ACAD8: variants seen among roughly 807,000 people sequenced by gnomAD.
ACAD8 encodes the protein acyl-CoA dehydrogenase family member 8.
ACAD8 carries 47 observed loss-of-function variants against 53.1 expected under a neutral mutation model. The observed-to-expected ratio is 0.89, with a 90% CI of 0.70 to 1.13. ACAD8 has a LOEUF of 1.13. Ranked by LOEUF, ACAD8 falls within the 50% of genes most tolerant of loss-of-function variation. The pLI is 0.00. For missense variants in ACAD8, 494 were observed against 535.0 expected (o/e 0.92, Z 0.76); for synonymous variants, 198 against 201.3 (o/e 0.98, Z 0.14).
chr11:134,262,683 C>G (rs373070410), intron 10 of ACAD8, 61 bp downstream of exon 10: 2 of 1,549,092 alleles, frequency 1.3e-6, no homozygotes, highest in African/African-American at 1.4e-5. Flanking sequence ...GCTGCTTTCC[C>G]CACTCTCTGT....
At chr11:134,262,317 T>G (rs1565376705) in intron 9 of ACAD8, 4 of 668,076 alleles carry the variant, frequency 6.0e-6, no homozygotes, top group South Asian at 3.0e-5. Context: ...GTCGCCTGTC[T>G]GGGGGGAACT....
At chr11:134,263,108 A>C in intron 10 of ACAD8, 1 of 1,130,290 alleles carries the variant, frequency 8.8e-7, no homozygotes, top group Non-Finnish European at 1.1e-6. Flanking sequence ...CTATATGGGT[A>C]TCTTCTTGGT....
Position 134,259,085 on chromosome 11 carries a change from GT to G in ACAD8, c.567+2del, listed in dbSNP as rs1939721858. Reference sequence around the variant, plus strand: ...TCATTACATCCTCAATGGCTCCAAGGTACTAGCGTGCGTCCTCCCAGAGCAC... The same window carrying G: ...TCATTACATCCTCAATGGCTCCAAGGACTAGCGTGCGTCCTCCCAGAGCAC... On this transcript the variant is annotated splice_donor_variant, in intron 5 of 10. Coordinates refer to ENST00000281182, the MANE Select transcript of ACAD8 (RefSeq NM_014384.3). LOFTEE classifies it high-confidence loss of function. 6.2e-7 allele frequency: 1 copy of G among 1,613,960 alleles called. No individual in the cohort carries two copies. The highest frequency in any genetic ancestry group is 1.7e-5 in the Admixed American group (1 of 60,022).
At chr11:134,254,600 G>T (rs146825621) in intron 1 of ACAD8, among the ~76,000 whole-genome samples, 198 of 152,296 alleles carry the variant, frequency 1.3e-3, no homozygotes, top group African/African-American at 4.5e-3. Flanking sequence ...GTTTTCTTCT[G>T]AATGTCCTAA....
At chr11:134,255,879 G>A (rs961867990) in intron 1 of ACAD8, among the ~76,000 whole-genome samples, 1 of 152,100 alleles carries the variant, frequency 6.6e-6, no homozygotes, top group Non-Finnish European at 1.5e-5. Context: ...CAAGTGTGGC[G>A]CCATAGTCTT....
In ACAD8 at chr11:134,257,072, T is replaced by C; in HGVS notation, c.211-16T>C. 1 of 1,614,066 alleles carries C rather than the reference T, an allele frequency of 6.2e-7. No individual in the cohort carries two copies. The highest frequency in any genetic ancestry group is 8.5e-7 in the Non-Finnish European group (1 of 1,180,000). On this transcript the variant is annotated splice_polypyrimidine_tract_variant and intron_variant, in intron 2 of 10. Coordinates refer to ENST00000281182, the MANE Select transcript of ACAD8 (RefSeq NM_014384.3). ...CTGAATCAGCTGCTGATCACCCTGC[T>C]CTCTTTTGTACATAGGAGCTGTTCC...
In ACAD8 at chr11:134,261,556, C is replaced by T. The variant is rs112142020; in HGVS notation, c.940-182C>T. The T allele has an allele frequency of 1.1e-5, 17 of 1,524,596 alleles. No homozygotes were observed. The highest frequency in any genetic ancestry group is 6.9e-5 in the African/African-American group (5 of 72,504). 94.4% of individuals were successfully genotyped at this position (1,524,596 alleles called of 1,614,324 possible). A position where few individuals can be genotyped will look rare whatever the true frequency, so the allele number is the denominator to read the frequency against. On this transcript the variant is annotated intron_variant, in intron 8 of 10. Coordinates refer to ENST00000281182, the MANE Select transcript of ACAD8 (RefSeq NM_014384.3). The surrounding 1 kb of genome is among the most constrained non-coding windows in gnomAD (Gnocchi z 4.2). ...GATATCTTTAACGATATTAAAGTGT[C>T]GGGTGAGTGAAGTGGACTTAGCACT... is the stretch of plus-strand genomic sequence containing the variant.
rs1286999658 is a variant in ACAD8 at position 134,256,607 on chromosome 11, G to C, written c.169G>C (p.Ala57Pro). The part of the protein sequence containing the change: ...EFQKVAFDFA[A>P]REMAPNMAEW... Reference sequence around the variant, plus strand: ...TCAAAAAGTGGCCTTTGACTTTGCTGCCCGAGAGATGGCTCCAAATATGGC... The same window carrying C: ...TCAAAAAGTGGCCTTTGACTTTGCTCCCCGAGAGATGGCTCCAAATATGGC... Residue 57 changes from alanine to proline, a missense_variant, in exon 2 of 11, where the codon GCC (alanine) becomes CCC (proline). Transcript: ENST00000281182. 2.5e-6 allele frequency: 4 copies of C among 1,614,208 alleles called. No homozygotes were observed. Among genetic ancestry groups the C allele is most frequent in the Non-Finnish European group, 3.4e-6 (4 of 1,180,036 alleles).
intron 3 of ACAD8, chr11:134,258,043 G>A: frequency 8.8e-6 from 2 of 228,152 alleles, no homozygotes; most frequent in Non-Finnish European, 1.8e-5. Context: ...GTAGAGATGG[G>A]GTTTCACCAT....
At position 134,261,056 on chromosome 11, in the gene ACAD8, T is replaced by A; in HGVS notation, c.718T>A (p.Ser240Thr). ...GKKEKKVGWN[S>T]QPTRAVIFED... is the part of the protein sequence containing the mutation. ...TGATTTTTGCCAGGTGGGGTGGAAC[T>A]CCCAGCCAACACGAGCTGTGATCTT... Residue 240 changes from serine (S) to threonine (T), a missense_variant, in exon 7 of 11, where the codon TCC (serine) becomes ACC (threonine). Physicochemically the swap from Ser to Thr is moderately conservative, Grantham distance 58 (BLOSUM62 1). Coordinates refer to ENST00000281182, the MANE Select transcript of ACAD8 (RefSeq NM_014384.3). This position sits in a 1 kb window ranked among gnomAD's most constrained non-coding sequence, Gnocchi z 4.2. The A allele has an allele frequency of 6.2e-7, 1 of 1,612,644 alleles. No homozygotes were observed. The highest frequency in any genetic ancestry group is 1.1e-5 in the South Asian group (1 of 90,566).
intron 3 of ACAD8, chr11:134,257,598 G>A (rs545452543): frequency 8.6e-5 from 30 of 349,678 alleles, no homozygotes; most frequent in South Asian, 6.0e-4. Flanking sequence ...GTGTGAACCC[G>A]GGAGGCGGAG....
At chr11:134,263,113 C>T in intron 10 of ACAD8, 2 of 1,114,970 alleles carry the variant, frequency 1.8e-6, no homozygotes, top group Non-Finnish European at 2.2e-6. Flanking sequence ...TGGGTATCTT[C>T]TTGGTAGTCA....
chr11:134,262,099 T>G, intron 9 of ACAD8: 1 of 692,976 alleles, frequency 1.4e-6, no homozygotes, highest in Non-Finnish European at 2.6e-6. Context: ...ATTATACACT[T>G]CATTATGTCA....
At position 134,256,606 on chromosome 11, in the gene ACAD8, T is replaced by C; in HGVS notation, c.168T>C (p.Ala56=). 2 of 1,614,230 alleles carry C rather than the reference T, an allele frequency of 1.2e-6. No homozygotes were observed. Among genetic ancestry groups the C allele is most frequent in the Non-Finnish European group, 1.7e-6 (2 of 1,180,032 alleles). Residue 56 remains alanine (A), a synonymous_variant, in exon 2 of 11, where the codon GCT becomes GCC. Coordinates refer to ENST00000281182, the MANE Select transcript of ACAD8 (RefSeq NM_014384.3). ...TTCAAAAAGTGGCCTTTGACTTTGCTGCCCGAGAGATGGCTCCAAATATGG... is the reference window on the plus strand; with the variant it reads ...TTCAAAAAGTGGCCTTTGACTTTGCCGCCCGAGAGATGGCTCCAAATATGG... ...KEFQKVAFDF[A]AREMAPNMAE...
intron 6 of ACAD8, chr11:134,260,232 A>G: frequency 9.3e-7 from 1 of 1,079,028 alleles, no homozygotes; most frequent in Non-Finnish European, 1.1e-6. Context: ...GAAAAGTAAG[A>G]TACTTCTAGG....
intron 3 of ACAD8, chr11:134,258,194 T>C (rs753147767): frequency 1.8e-5 from 7 of 379,918 alleles, no homozygotes; most frequent in Non-Finnish European, 3.5e-5. Flanking sequence ...TGCCAGTGAT[T>C]TGAGGAAGTA....
chr11:134,262,143 C>A (rs1290913538), intron 9 of ACAD8: 2 of 670,456 alleles, frequency 3.0e-6, no homozygotes, highest in East Asian at 2.9e-5. Flanking sequence ...CGAGAAACCA[C>A]CTTTGGAAGG....
chr11:134,263,363 G>A (rs1591518014), intron 10 of ACAD8: 1 of 989,054 alleles, frequency 1.0e-6, no homozygotes, highest in Non-Finnish European at 1.2e-6. Context: ...AGCCTGTGCT[G>A]GAATCGCCTG....
At chr11:134,255,214 G>C (rs753439703) in intron 1 of ACAD8, among the ~76,000 whole-genome samples, 77 of 152,132 alleles carry the variant, frequency 5.1e-4, no homozygotes, top group Admixed American at 7.9e-4. Flanking sequence ...TCAACTCACC[G>C]CAACCTCTGC....
Sources: gnomAD v4.1 joint callset for allele counts (sites outside exome capture counted in the v4.1 genomes callset) on GRCh38, gnomAD v4.1.1 for gene constraint, Gnocchi (gnomAD v3.1) non-coding constraint, MANE v1.5 for transcripts, NCBI Gene and HGNC (gene_info 2026-07-23, HGNC 2026-07-21) for gene names.